The following PLCB4 variants were observed in gnomAD, a reference collection of about 807,000 sequenced individuals.
The protein encoded by PLCB4 is 1-phosphatidylinositol 4,5-bisphosphate phosphodiesterase beta-4.
PLCB4 carries 77 observed loss-of-function variants against 178.8 expected under a neutral mutation model. The observed-to-expected ratio is 0.43, with a 90% confidence interval of 0.36 to 0.52. The LOEUF (loss-of-function observed/expected upper bound fraction) is 0.52, where lower values mean the gene tolerates loss of function less well. PLCB4 is among the 20% of genes least tolerant of loss of function. The pLI is 0.00. For missense variants in PLCB4, 1,024 were observed against 1,453.4 expected (o/e 0.70, Z 4.80); for synonymous variants, 496 against 490.8 (o/e 1.01, Z -0.14).
chr20:9,280,582 C>A, intron 3 of PLCB4: 1 of 347,822 alleles, frequency 2.9e-6, no homozygotes, highest in Non-Finnish European at 4.0e-6. Context: ...AAAACTGATG[C>A]CTGCCTTGCT....
At position 9,316,464 on chromosome 20, in the gene PLCB4, G is replaced by A. The variant is rs1020211158; in HGVS notation, c.84+8566G>A. ...CTGGAGGCCGTACAAAGGATGATTC[G>A]TAGGCGGGGGCCAAAAGGTTGGAGA... On this transcript the variant is annotated intron_variant, in intron 4 of 39. Transcript: ENST00000378473. Among the ~76,000 whole-genome samples the A allele has an allele frequency of 5.3e-5, 8 of 152,274 alleles. 1 individual carries two copies. Among genetic ancestry groups the A allele is most frequent in the South Asian group, 4.1e-4 (2 of 4,824 alleles).
intron 33 of PLCB4, among the ~76,000 whole-genome samples, chr20:9,455,773 G>A (rs2043019763): frequency 6.6e-6 from 1 of 152,116 alleles, no homozygotes; most frequent in Non-Finnish European, 1.5e-5. Flanking sequence ...TTCAAAATCA[G>A]ACATCAGATA....
chr20:9,361,157 A>G (rs1160497644), intron 7 of PLCB4, among the ~76,000 whole-genome samples: 1 of 152,244 alleles, frequency 6.6e-6, no homozygotes, highest in African/African-American at 2.4e-5. Context: ...ATGATCCAGA[A>G]GTTCCACATC....
At chr20:9,471,421 G>A (rs1255469833) in intron 36 of PLCB4, among the ~76,000 whole-genome samples, 1 of 152,004 alleles carries the variant, frequency 6.6e-6, no homozygotes, top group South Asian at 2.1e-4. Flanking sequence ...GAGAAAGCAC[G>A]AATTAGTGAT....
intron 3 of PLCB4, among the ~76,000 whole-genome samples, chr20:9,233,977 G>A (rs1310021720): frequency 1.3e-5 from 2 of 152,144 alleles, no homozygotes; most frequent in African/African-American, 2.4e-5. Context: ...AGAAAAGCCA[G>A]TTAGGTAGCT....
chr20:9,391,810 T>C (rs1268319015), intron 17 of PLCB4, among the ~76,000 whole-genome samples: 1 of 152,202 alleles, frequency 6.6e-6, no homozygotes, highest in Non-Finnish European at 1.5e-5. Context: ...TATCCCATGC[T>C]TCATCCCTCC....
chr20:9,300,773 T>G (rs16995736), intron 3 of PLCB4, among the ~76,000 whole-genome samples: 39,126 of 152,044 alleles, frequency 0.26, 5,179 homozygotes, highest in South Asian at 0.32. Context: ...CAGTCTGTAC[T>G]GCATTCCAAA....
intron 22 of PLCB4, among the ~76,000 whole-genome samples, 174 bp downstream of exon 22, chr20:9,408,232 A>G (rs573311609): frequency 8.5e-5 from 13 of 152,124 alleles, no homozygotes; most frequent in African/African-American, 1.2e-4. Context: ...GTGACATTAC[A>G]TTGTCATTCA....
At chr20:9,318,971 A>G (rs1189063302) in intron 4 of PLCB4, among the ~76,000 whole-genome samples, 1 of 152,218 alleles carries the variant, frequency 6.6e-6, no homozygotes, top group Non-Finnish European at 1.5e-5. Flanking sequence ...GGTGTTGGCC[A>G]GGGCATCCTT....
intron 2 of PLCB4, among the ~76,000 whole-genome samples, chr20:9,115,769 C>T (rs2091759785): frequency 6.6e-6 from 1 of 151,842 alleles, no homozygotes; most frequent in Admixed American, 6.6e-5. Flanking sequence ...CTTGATTCTT[C>T]TTAATCCTAA....
chr20:9,231,998 A>G (rs2093938422), intron 3 of PLCB4, among the ~76,000 whole-genome samples: 1 of 152,206 alleles, frequency 6.6e-6, no homozygotes, highest in Non-Finnish European at 1.5e-5. Context: ...GATACAAACA[A>G]CAAGTTGGAT....
chr20:9,113,488 T>C (rs1328805243), intron 2 of PLCB4, among the ~76,000 whole-genome samples: 1 of 152,138 alleles, frequency 6.6e-6, no homozygotes, highest in African/African-American at 2.4e-5. Flanking sequence ...ATGTTATAGG[T>C]GGGAAAATCC....
chr20:9,278,170 T>C (rs1159820563), intron 3 of PLCB4, among the ~76,000 whole-genome samples: 2 of 152,028 alleles, frequency 1.3e-5, no homozygotes, highest in African/African-American at 4.8e-5. Context: ...TATCAATACT[T>C]GGTGGATAGG....
chr20:9,432,390 C>T (rs116318588), intron 28 of PLCB4, among the ~76,000 whole-genome samples: 143 of 152,242 alleles, frequency 9.4e-4, no homozygotes, highest in African/African-American at 3.4e-3. Context: ...TCTTCAGGCC[C>T]CCAGACTGAT....
rs145114568 is a variant in PLCB4 at position 9,185,995 on chromosome 20, C to T, written c.-78-31395C>T. 4.6e-3 allele frequency among the ~76,000 whole-genome samples: 695 copies of T among 152,256 alleles called. 17 individuals are homozygous for T. The highest frequency in any genetic ancestry group is 0.033 in the Admixed American group (508 of 15,298). Reference sequence around the variant, plus strand: ...GGTATAATTTATTTATCATGTTTAGCGTTTACTGCCTCTCTAGAATGTAAG... The same window carrying T: ...GGTATAATTTATTTATCATGTTTAGTGTTTACTGCCTCTCTAGAATGTAAG... On this transcript the variant is annotated intron_variant, in intron 2 of 39. Coordinates refer to ENST00000378473, the MANE Select transcript of PLCB4 (RefSeq NM_001377142.1).
chr20:9,127,812 G>A (rs749631709), intron 2 of PLCB4, among the ~76,000 whole-genome samples: 41 of 152,082 alleles, frequency 2.7e-4, no homozygotes, highest in Non-Finnish European at 3.4e-4. Context: ...TGCCTCCTGA[G>A]TAGCTGGGAT....
At chr20:9,395,699 C>T (rs908123209) in intron 19 of PLCB4, 81 bp downstream of exon 19, 6 of 1,012,038 alleles carry the variant, frequency 5.9e-6, no homozygotes, top group Non-Finnish European at 8.9e-6. Flanking sequence ...CACAGTGGCT[C>T]AAGCCCATAA....
At chr20:9,258,274 G>A (rs2094257896) in intron 3 of PLCB4, among the ~76,000 whole-genome samples, 2 of 152,276 alleles carry the variant, frequency 1.3e-5, no homozygotes, top group South Asian at 4.1e-4. Context: ...TAGATAATAT[G>A]CATGTATAAT....
At chr20:9,141,203 T>C (rs1265150686) in intron 2 of PLCB4, among the ~76,000 whole-genome samples, 1 of 152,174 alleles carries the variant, frequency 6.6e-6, no homozygotes, top group East Asian at 1.9e-4. Context: ...CTGAACTTTG[T>C]GACCATTGGG....
Sources: allele counts gnomAD v4.1 joint callset (sites outside exome capture counted in the v4.1 genomes callset), GRCh38; gene constraint gnomAD v4.1.1; transcripts MANE v1.5; gene names NCBI Gene and HGNC (gene_info 2026-07-23, HGNC 2026-07-21).